The following MAPK4 variants were observed in gnomAD, a reference collection of about 807,000 sequenced individuals.
MAPK4 encodes the protein mitogen-activated protein kinase 4.
In MAPK4, 22 loss-of-function variants were observed where a neutral mutation model predicts 47.7. The observed-to-expected ratio is 0.46, with a 90% confidence interval of 0.33 to 0.66. MAPK4 has a LOEUF of 0.66. Ranked by LOEUF, MAPK4 falls within the 30% of genes least tolerant of loss-of-function variation. The probability of loss-of-function intolerance (pLI) is 0.02; values close to 1 mark genes in which losing one functional copy is unlikely to be tolerated. For missense variants in MAPK4, 736 were observed against 831.7 expected (o/e 0.88, Z 1.42); for synonymous variants, 390 against 365.7 (o/e 1.07, Z -0.76).
chr18:50,603,599 T>G (rs983149230), intron 1 of MAPK4, among the ~76,000 whole-genome samples: 9 of 152,154 alleles, frequency 5.9e-5, no homozygotes, highest in Non-Finnish European at 1.3e-4. Flanking sequence ...TGCCTCTGAG[T>G]CCACAGCTGC....
chr18:50,665,652 G>T (rs755291653), intron 2 of MAPK4, among the ~76,000 whole-genome samples: 1 of 152,220 alleles, frequency 6.6e-6, no homozygotes, highest in East Asian at 1.9e-4. Flanking sequence ...GGCATCACAG[G>T]GGGCAGGGAG....
chr18:50,610,233 G>C (rs1345259977), intron 1 of MAPK4, among the ~76,000 whole-genome samples: 2 of 152,206 alleles, frequency 1.3e-5, no homozygotes, highest in Non-Finnish European at 2.9e-5. Flanking sequence ...AAGGCCAAGG[G>C]AACAGAGGAC....
chr18:50,576,168 C>T lies in MAPK4; in HGVS notation c.-871+15925C>T, dbSNP rs116917438. ...TATATACCCAAAGGAATTTAAATCGCTCTTCCATAAAAACACATGCATACA... is the reference window on the plus strand; with the variant it reads ...TATATACCCAAAGGAATTTAAATCGTTCTTCCATAAAAACACATGCATACA... On this transcript the variant is annotated intron_variant, in intron 1 of 5. Coordinates refer to ENST00000400384, the MANE Select transcript of MAPK4 (RefSeq NM_002747.4). Among the ~76,000 whole-genome samples the T allele has an allele frequency of 2.9e-3, 441 of 152,220 alleles. 7 individuals are homozygous for T. The East Asian group carries it at 0.049, about 17-fold the overall frequency.
rs28537142 is a variant in MAPK4, at chr18:50,664,897, G to T, written c.546+393G>T. ...CTGTGTGCTCAGGACACACCCTGAG[G>T]CTTCCCACCCTGTGAGCCTCATGCT... is the stretch of plus-strand genomic sequence containing the variant. On this transcript the variant is annotated intron_variant, in intron 2 of 5. Coordinates refer to ENST00000400384, the MANE Select transcript of MAPK4 (RefSeq NM_002747.4). This position sits in a 1 kb window ranked among gnomAD's most constrained non-coding sequence, Gnocchi z 6.0. Among the ~76,000 whole-genome samples the T allele has an allele frequency of 0.11, 17,194 of 152,110 alleles. 1,112 individuals carry two copies. Among genetic ancestry groups the T allele is most frequent in the Non-Finnish European group, 0.14 (9,796 of 67,992 alleles).
rs1598946574 is a variant in MAPK4, at chr18:50,714,848, C to G, written c.547-231C>G. Among the ~76,000 whole-genome samples, 2 of 152,202 alleles carry G rather than the reference C, an allele frequency of 1.3e-5. 1 individual carries two copies. Among genetic ancestry groups the G allele is most frequent in the Admixed American group, 1.3e-4 (2 of 15,282 alleles). ...GAATTCCTTTCTATAAAGGAGAACC[C>G]TCGGATCTCGTAAGATTCTCTCACC... On this transcript the variant is annotated intron_variant, in intron 2 of 5. Transcript: ENST00000400384.
chr18:50,590,794 A>G (rs1372214770), intron 1 of MAPK4, among the ~76,000 whole-genome samples: 5 of 152,196 alleles, frequency 3.3e-5, no homozygotes, highest in Non-Finnish European at 7.3e-5. Flanking sequence ...TCGTCCTTAC[A>G]TAATTACTAT....
chr18:50,580,960 A>G (rs943327701), intron 1 of MAPK4, among the ~76,000 whole-genome samples: 1 of 152,112 alleles, frequency 6.6e-6, no homozygotes, highest in African/African-American at 2.4e-5. Flanking sequence ...TCCATTGTCC[A>G]TCAATACTGC....
At chr18:50,575,792 C>CAAAAAAAAAAAA (rs540138636) in intron 1 of MAPK4, among the ~76,000 whole-genome samples, 7 of 70,130 alleles carry the variant, frequency 1.0e-4, no homozygotes, top group Non-Finnish European at 1.4e-4. Flanking sequence ...AATCAACAAG[C>CAAAAAAAAAAAA]AAAAAAAAAA....
At chr18:50,577,955 G>A (rs1318075041) in intron 1 of MAPK4, among the ~76,000 whole-genome samples, 2 of 152,112 alleles carry the variant, frequency 1.3e-5, no homozygotes, top group Non-Finnish European at 2.9e-5. Context: ...CCAGAAACTG[G>A]TTTCTGTAAC....
intron 1 of MAPK4, among the ~76,000 whole-genome samples, chr18:50,650,783 A>G (rs2043040107): frequency 6.6e-6 from 1 of 152,222 alleles, no homozygotes; most frequent in Non-Finnish European, 1.5e-5. Context: ...CTGCTGCCAC[A>G]TGGTCGATAT....
intron 2 of MAPK4, among the ~76,000 whole-genome samples, chr18:50,693,683 C>T (rs1016190254): frequency 6.6e-6 from 1 of 152,154 alleles, no homozygotes; most frequent in Non-Finnish European, 1.5e-5. Flanking sequence ...TGCTTTCAAG[C>T]GTGCATGTGC....
At chr18:50,698,704 C>T (rs1233867050) in intron 2 of MAPK4, among the ~76,000 whole-genome samples, 1 of 152,138 alleles carries the variant, frequency 6.6e-6, no homozygotes, top group Admixed American at 6.6e-5. Context: ...ACTATATTTG[C>T]AAAAGCCCTG....
At chr18:50,708,908 A>G (rs1235621796) in intron 2 of MAPK4, among the ~76,000 whole-genome samples, 1 of 152,150 alleles carries the variant, frequency 6.6e-6, no homozygotes, top group Non-Finnish European at 1.5e-5. Flanking sequence ...ACCTCATGGG[A>G]TTGCTGTGAG....
At chr18:50,695,258 A>C (rs898646608) in intron 2 of MAPK4, among the ~76,000 whole-genome samples, 3 of 151,528 alleles carry the variant, frequency 2.0e-5, no homozygotes, top group African/African-American at 7.3e-5. Flanking sequence ...AGGCAGAAGA[A>C]TCGTTTGAAC....
chr18:50,567,431 G>A (rs911890860), intron 1 of MAPK4, among the ~76,000 whole-genome samples: 2 of 152,174 alleles, frequency 1.3e-5, no homozygotes, highest in Non-Finnish European at 1.5e-5. Flanking sequence ...CATTGCATGA[G>A]CAACTTTGTG....
At chr18:50,599,292 G>T (rs1400546036) in intron 1 of MAPK4, among the ~76,000 whole-genome samples, 2 of 152,078 alleles carry the variant, frequency 1.3e-5, no homozygotes, top group Admixed American at 1.3e-4. Flanking sequence ...TCTGTAAATA[G>T]AACAGATTTT....
intron 2 of MAPK4, among the ~76,000 whole-genome samples, chr18:50,675,847 G>C (rs1908239718): frequency 6.6e-6 from 1 of 152,008 alleles, no homozygotes; most frequent in Admixed American, 6.6e-5. Flanking sequence ...GGCTGGTCTT[G>C]AACTCCTGAT....
intron 2 of MAPK4, among the ~76,000 whole-genome samples, chr18:50,676,174 G>T (rs1434750348): frequency 6.6e-6 from 1 of 152,130 alleles, no homozygotes. Flanking sequence ...ATCCCTTGTA[G>T]ATTTCATCTT....
At chr18:50,622,305 G>T (rs886316856) in intron 1 of MAPK4, among the ~76,000 whole-genome samples, 1 of 152,234 alleles carries the variant, frequency 6.6e-6, no homozygotes, top group African/African-American at 2.4e-5. Flanking sequence ...GCTTGGGAAA[G>T]GGGGAAGAGG....
Sources: allele counts gnomAD v4.1 joint callset (sites outside exome capture counted in the v4.1 genomes callset), GRCh38; gene constraint gnomAD v4.1.1; non-coding constraint Gnocchi (gnomAD v3.1); transcripts MANE v1.5; gene names NCBI Gene and HGNC (gene_info 2026-07-23, HGNC 2026-07-21).